RABGAP1L: variants seen among roughly 807,000 people sequenced by gnomAD.
RABGAP1L encodes the protein RAB GTPase activating protein 1 like.
In RABGAP1L, 63 loss-of-function variants were observed where a neutral mutation model predicts 137.7. The ratio of observed to expected loss-of-function variants is 0.46; its 90% CI spans 0.37 to 0.56. RABGAP1L has a LOEUF of 0.56. RABGAP1L is among the 20% of genes least tolerant of loss of function. The probability of loss-of-function intolerance (pLI) is 0.00; values close to 1 mark genes in which losing one functional copy is unlikely to be tolerated. For synonymous variants in RABGAP1L, 431 were observed against 433.7 expected (o/e 0.99, Z 0.08); for missense variants, 1,095 against 1,244.0 (o/e 0.88, Z 1.80).
In RABGAP1L at chr1:174,648,334, G is replaced by A. The variant is rs184834699; in HGVS notation, c.1824+10846G>A. ...ATTGATCTTTCTCATTTTCTGATGT[G>A]GGGGTTTAGTGCTATAAATTTTTCT... On this transcript the variant is annotated intron_variant, in intron 14 of 25. Coordinates refer to ENST00000681986, the MANE Select transcript of RABGAP1L (RefSeq NM_001366446.1). Among the ~76,000 whole-genome samples the A allele has an allele frequency of 3.7e-3, 569 of 152,138 alleles. 8 individuals carry two copies. The highest frequency in any genetic ancestry group is 0.012 in the African/African-American group (489 of 41,496).
intron 19 of RABGAP1L, among the ~76,000 whole-genome samples, chr1:174,887,621 G>A (rs1194034287): frequency 1.3e-5 from 2 of 151,944 alleles, no homozygotes; most frequent in African/African-American, 4.8e-5. Context: ...TTGGGGGGGG[G>A]GTCATGGATT....
chr1:174,894,702 G>A (rs1462731885), intron 19 of RABGAP1L, among the ~76,000 whole-genome samples: 4 of 151,900 alleles, frequency 2.6e-5, no homozygotes, highest in East Asian at 1.9e-4. Flanking sequence ...GAGGACTGTC[G>A]AGACTAGAAC....
intron 13 of RABGAP1L, among the ~76,000 whole-genome samples, chr1:174,560,598 G>C (rs1014848415): frequency 2.0e-5 from 3 of 152,162 alleles, no homozygotes; most frequent in African/African-American, 7.2e-5. Flanking sequence ...AGGGATACAT[G>C]TGCAGATTGT....
intron 19 of RABGAP1L, chr1:174,874,601 T>C: frequency 1.7e-6 from 1 of 597,158 alleles, no homozygotes; most frequent in Non-Finnish European, 2.1e-6. Context: ...TTTTTTTTTT[T>C]TTCCAATGCA....
At chr1:174,859,478 A>G (rs1293414984) in intron 19 of RABGAP1L, among the ~76,000 whole-genome samples, 1 of 123,438 alleles carries the variant, frequency 8.1e-6, no homozygotes, top group African/African-American at 4.4e-5. Flanking sequence ...GCGAGACTCC[A>G]TCTCAAAAAA....
chr1:174,784,080 TG>T (rs1687264591), intron 18 of RABGAP1L, among the ~76,000 whole-genome samples: 1 of 131,424 alleles, frequency 7.6e-6, no homozygotes, highest in Non-Finnish European at 1.6e-5. Context: ...AGTGCAGTGG[TG>T]CGATCTCGGC....
chr1:174,868,326 A>G (rs541427862), intron 19 of RABGAP1L, among the ~76,000 whole-genome samples: 5 of 152,316 alleles, frequency 3.3e-5, no homozygotes, highest in South Asian at 4.1e-4. Flanking sequence ...ATCTGCTACA[A>G]AGTATTGTGT....
At chr1:174,347,496 TG>T (rs60935038) in intron 11 of RABGAP1L, among the ~76,000 whole-genome samples, 36,292 of 148,722 alleles carry the variant, frequency 0.24, 5,097 homozygotes, top group East Asian at 0.49. Flanking sequence ...TGTGTGTGTG[TG>T]TGTTTTTTTC....
At chr1:174,871,227 G>T (rs916238250) in intron 19 of RABGAP1L, among the ~76,000 whole-genome samples, 1 of 151,532 alleles carries the variant, frequency 6.6e-6, no homozygotes, top group Admixed American at 6.6e-5. Flanking sequence ...GCAGTGGCGC[G>T]ATCTCAGCTG....
intron 17 of RABGAP1L, among the ~76,000 whole-genome samples, chr1:174,744,624 A>G (rs1683724690): frequency 6.6e-6 from 1 of 152,232 alleles, no homozygotes; most frequent in Non-Finnish European, 1.5e-5. Flanking sequence ...CAAAATACAT[A>G]TTCTGAATTT....
intron 11 of RABGAP1L, among the ~76,000 whole-genome samples, chr1:174,315,605 A>G (rs1679299728): frequency 7.1e-6 from 1 of 141,496 alleles, no homozygotes; most frequent in African/African-American, 2.6e-5. Flanking sequence ...CTCTGTTGCT[A>G]TGATTTCATT....
chr1:174,597,648 T>G (rs193065297), intron 13 of RABGAP1L, among the ~76,000 whole-genome samples: 1 of 152,130 alleles, frequency 6.6e-6, no homozygotes, highest in Non-Finnish European at 1.5e-5. Flanking sequence ...CAAAAAACTT[T>G]TCGAACTTTT....
At chr1:174,840,582 C>T (rs1012582571) in intron 19 of RABGAP1L, among the ~76,000 whole-genome samples, 42 of 147,802 alleles carry the variant, frequency 2.8e-4, no homozygotes, top group South Asian at 1.7e-3. Flanking sequence ...GAGGCTGAGG[C>T]GTGCGGATCA....
intron 19 of RABGAP1L, among the ~76,000 whole-genome samples, chr1:174,894,270 T>A (rs1000803996): frequency 1.3e-5 from 2 of 152,264 alleles, no homozygotes; most frequent in African/African-American, 2.4e-5. Flanking sequence ...TTTTTATTGC[T>A]GCTGCCTGAA....
At chr1:174,788,877 A>G (rs1487168532) in intron 18 of RABGAP1L, among the ~76,000 whole-genome samples, 2 of 151,910 alleles carry the variant, frequency 1.3e-5, no homozygotes, top group Non-Finnish European at 2.9e-5. Flanking sequence ...ACAACTGGCT[A>G]ATTTTTTTGT....
intron 10 of RABGAP1L, among the ~76,000 whole-genome samples, chr1:174,282,562 A>T (rs948117211): frequency 6.6e-6 from 1 of 152,192 alleles, no homozygotes; most frequent in African/African-American, 2.4e-5. Flanking sequence ...TCTTCCTGAC[A>T]GTGGCTTGCC....
chr1:174,416,797 CA>C (rs1426339859), intron 13 of RABGAP1L, among the ~76,000 whole-genome samples: 3 of 152,042 alleles, frequency 2.0e-5, no homozygotes, highest in Non-Finnish European at 2.9e-5. Context: ...TTTAACTTAA[CA>C]AGAGTATGTG....
chr1:174,774,348 T>C (rs185068497), intron 18 of RABGAP1L, among the ~76,000 whole-genome samples: 13 of 152,242 alleles, frequency 8.5e-5, no homozygotes, highest in African/African-American at 2.9e-4. Context: ...CCCAGCACTT[T>C]GAGAAGCTGA....
intron 16 of RABGAP1L, chr1:174,700,836 A>T: frequency 9.6e-6 from 2 of 207,262 alleles, no homozygotes; most frequent in South Asian, 8.2e-5. Context: ...TTTGCCTTTT[A>T]TTTACCAAAA....
Sources: allele counts gnomAD v4.1 joint callset (sites outside exome capture counted in the v4.1 genomes callset), GRCh38; gene constraint gnomAD v4.1.1; transcripts MANE v1.5; gene names NCBI Gene and HGNC (gene_info 2026-07-23, HGNC 2026-07-21).